FAM110B: variants seen among roughly 807,000 people sequenced by gnomAD.
FAM110B encodes the protein family with sequence similarity 110 member B.
Under a neutral mutation model 20.4 loss-of-function variants are expected in FAM110B, and 6 were observed. The ratio of observed to expected loss-of-function variants is 0.29; its 90% CI spans 0.16 to 0.58. The LOEUF (loss-of-function observed/expected upper bound fraction) is 0.58, where lower values mean the gene tolerates loss of function less well. Ranked by LOEUF, FAM110B falls within the 20% of genes least tolerant of loss-of-function variation. FAM110B has a pLI of 0.90. For synonymous variants in FAM110B, 226 were observed against 214.1 expected, an observed-to-expected ratio of 1.06 and a Z score of -0.49; for missense variants, 434 against 498.2, an observed-to-expected ratio of 0.87 and a Z score of 1.23.
At chr8:58,135,804 G>A (rs946332884) in intron 3 of FAM110B, among the ~76,000 whole-genome samples, 4 of 152,070 alleles carry the variant, frequency 2.6e-5, no homozygotes, top group Admixed American at 1.3e-4. Context: ...TCTATACAAG[G>A]GGATCAGACC....
chr8:58,050,235 T>C (rs10100238), intron 2 of FAM110B, among the ~76,000 whole-genome samples: 85,752 of 151,780 alleles, frequency 0.56, 25,318 homozygotes, highest in African/African-American at 0.73. Context: ...CATGTTCACA[T>C]CTGTGAGTTT....
At chr8:58,113,780 TAAAG>T (rs1389109698) in intron 3 of FAM110B, among the ~76,000 whole-genome samples, 1 of 152,246 alleles carries the variant, frequency 6.6e-6, no homozygotes, top group African/African-American at 2.4e-5. Flanking sequence ...GATTCATTAA[TAAAG>T]AAGTGTTTGC....
chr8:58,091,686 CA>C (rs1304195139), intron 3 of FAM110B: 1 of 152,148 alleles, frequency 6.6e-6, no homozygotes, highest in Non-Finnish European at 1.5e-5. Context: ...AGATGCCCCC[CA>C]TTCAGCATTC....
At position 58,082,623 on chromosome 8, in the gene FAM110B, A is replaced by G. The variant is rs138012396; in HGVS notation, c.-325+7000A>G. On this transcript the variant is annotated intron_variant, in intron 3 of 3. Coordinates refer to ENST00000519262, the MANE Select transcript of FAM110B (RefSeq NM_001377989.1). ...TATAAGCAAGTTGGGGGTAAGAATTATGTTTTAACTCTGAATCTGTAGAAT... is the reference window on the plus strand; with the variant it reads ...TATAAGCAAGTTGGGGGTAAGAATTGTGTTTTAACTCTGAATCTGTAGAAT... 2.3e-3 allele frequency among the ~76,000 whole-genome samples: 355 copies of G among 152,268 alleles called. 1 individual carries two copies. Among genetic ancestry groups the G allele is most frequent in the South Asian group, 7.3e-3 (35 of 4,824 alleles).
At chr8:58,006,923 A>ATATATATATATATATATTTTTTTTTT in intron 1 of FAM110B, among the ~76,000 whole-genome samples, 9 of 126,516 alleles carry the variant, frequency 7.1e-5, no homozygotes, top group African/African-American at 2.7e-4. Context: ...ATATATATAT[A>ATATATATATATATATATTTTTTTTTT]TTTTTCCAAA....
At chr8:58,039,833 A>G (rs191842227) in intron 2 of FAM110B, among the ~76,000 whole-genome samples, 104 of 152,306 alleles carry the variant, frequency 6.8e-4, no homozygotes, top group Admixed American at 6.3e-3. Flanking sequence ...CATAGCTCAC[A>G]GTAGTAACCT....
intron 3 of FAM110B, among the ~76,000 whole-genome samples, chr8:58,090,301 A>G (rs1806441989): frequency 6.6e-6 from 1 of 152,146 alleles, no homozygotes; most frequent in Non-Finnish European, 1.5e-5. Flanking sequence ...CTGAGACTAC[A>G]GGCGCATGCC....
chr8:57,995,170 C>G (rs1363852439), intron 1 of FAM110B, among the ~76,000 whole-genome samples: 7 of 152,258 alleles, frequency 4.6e-5, no homozygotes, highest in Admixed American at 2.0e-4. Flanking sequence ...GGAAGCTGGC[C>G]GCGCTGCGGA....
At chr8:58,065,508 A>C (rs1805742235) in intron 2 of FAM110B, among the ~76,000 whole-genome samples, 1 of 152,198 alleles carries the variant, frequency 6.6e-6, no homozygotes, top group Admixed American at 6.5e-5. Flanking sequence ...CTAAAGTCTT[A>C]GGATGACTTC....
chr8:58,118,639 A>G (rs1431718465), intron 3 of FAM110B, among the ~76,000 whole-genome samples: 1 of 152,184 alleles, frequency 6.6e-6, no homozygotes, highest in South Asian at 2.1e-4. Flanking sequence ...GTGCCTTCAC[A>G]CTTTTAGTTA....
At chr8:58,070,844 T>C (rs1805881545) in intron 2 of FAM110B, among the ~76,000 whole-genome samples, 2 of 152,254 alleles carry the variant, frequency 1.3e-5, no homozygotes, top group South Asian at 2.1e-4. Flanking sequence ...TAATGTGCTA[T>C]TGTTTCTTTA....
At position 58,146,174 on chromosome 8, in the gene FAM110B, C is replaced by A. The variant is rs1488285062; in HGVS notation, c.-57C>A. On this transcript the variant is annotated 5_prime_UTR_variant, in exon 4 of 4. Coordinates refer to ENST00000519262, the MANE Select transcript of FAM110B (RefSeq NM_001377989.1). Reference sequence around the variant, plus strand: ...TTCATGTACATGTGTCTATTCAGGCCTTGCGGAGGCGCCCAGAAGAGCATC... The same window carrying A: ...TTCATGTACATGTGTCTATTCAGGCATTGCGGAGGCGCCCAGAAGAGCATC... 1 of 1,534,164 alleles carries A rather than the reference C, an allele frequency of 6.5e-7. No individual in the cohort carries two copies. Among genetic ancestry groups the A allele is most frequent in the East Asian group, 2.3e-5 (1 of 44,128 alleles).
At chr8:58,086,761 CT>C (rs1282785114) in intron 3 of FAM110B, among the ~76,000 whole-genome samples, 7 of 152,186 alleles carry the variant, frequency 4.6e-5, no homozygotes, top group Admixed American at 4.6e-4. Flanking sequence ...GATGGTGATG[CT>C]TTAAGGGTCC....
intron 2 of FAM110B, among the ~76,000 whole-genome samples, chr8:58,074,885 G>T (rs1175645244): frequency 6.6e-6 from 1 of 152,156 alleles, no homozygotes; most frequent in African/African-American, 2.4e-5. Flanking sequence ...AGCCCTGGAA[G>T]TAAGATATGA....
At chr8:58,016,378 G>A (rs867719102) in intron 1 of FAM110B, among the ~76,000 whole-genome samples, 1 of 152,186 alleles carries the variant, frequency 6.6e-6, no homozygotes, top group African/African-American at 2.4e-5. Flanking sequence ...CCTCCCGGGA[G>A]GTTATTCTCA....
chr8:58,012,909 AG>A (rs895435925), intron 1 of FAM110B, among the ~76,000 whole-genome samples: 7 of 152,000 alleles, frequency 4.6e-5, no homozygotes, highest in African/African-American at 1.7e-4. Context: ...CTGGAATCTG[AG>A]GTCTTATCCC....
intron 3 of FAM110B, among the ~76,000 whole-genome samples, chr8:58,113,821 A>T (rs369165499): frequency 4.6e-5 from 7 of 152,252 alleles, no homozygotes; most frequent in Non-Finnish European, 1.0e-4. Flanking sequence ...ATGTCACTTC[A>T]TAGGTTTTCA....
intron 3 of FAM110B, among the ~76,000 whole-genome samples, chr8:58,109,649 G>A (rs1159120192): frequency 1.3e-5 from 2 of 152,154 alleles, no homozygotes; most frequent in African/African-American, 4.8e-5. Flanking sequence ...ACTGAAGAAG[G>A]ACAGACAGGA....
chr8:57,995,801 G>T (rs575639816), intron 1 of FAM110B, among the ~76,000 whole-genome samples: 13 of 152,268 alleles, frequency 8.5e-5, no homozygotes, highest in Admixed American at 3.9e-4. Context: ...TAAAAAATAG[G>T]CAACCTCTGT....
Sources: allele counts gnomAD v4.1 joint callset (sites outside exome capture counted in the v4.1 genomes callset), GRCh38; gene constraint gnomAD v4.1.1; transcripts MANE v1.5; gene names NCBI Gene and HGNC (gene_info 2026-07-23, HGNC 2026-07-21).